HIF3A: variants seen among roughly 807,000 people sequenced by gnomAD.
HIF3A encodes the protein hypoxia-inducible factor 3-alpha.
A neutral mutation model predicts 67.2 loss-of-function variants in HIF3A; 41 were observed. The ratio of observed to expected loss-of-function variants is 0.61; its 90% confidence interval spans 0.48 to 0.79. The LOEUF (loss-of-function observed/expected upper bound fraction) is 0.79. Ranked by LOEUF, HIF3A falls within the 30% of genes least tolerant of loss-of-function variation. HIF3A has a pLI of 0.00. For missense variants in HIF3A, 855 were observed against 898.0 expected (o/e 0.95, Z 0.61); for synonymous variants, 356 against 374.8 (o/e 0.95, Z 0.58).
chr19:46,308,286 C>A lies in HIF3A; in HGVS notation c.429C>A (p.Asp143Glu). The change falls in exon 4 of 15, where the codon GAC (aspartate) becomes GAA (glutamate). Residue 143 changes from aspartate (D) to glutamate (E), a missense_variant. By Grantham distance (45) the Asp-to-Glu change is conservative. Coordinates refer to ENST00000377670, the MANE Select transcript of HIF3A (RefSeq NM_152795.4). ...IHPCDQEELQDALTPQQTLSR... is the reference protein window; with the variant it reads ...IHPCDQEELQEALTPQQTLSR... ...CCTGTGACCAAGAGGAGCTTCAGGA[C>A]GCCCTGACCCCCCAGCAGAGTGAGT... 7 of 1,612,526 alleles carry A rather than the reference C, an allele frequency of 4.3e-6. No homozygotes were observed. Among genetic ancestry groups the A allele is most frequent in the Non-Finnish European group, 5.9e-6 (7 of 1,178,998 alleles).
intron 14 of HIF3A, among the ~76,000 whole-genome samples, chr19:46,335,836 C>T (rs1226726664): frequency 1.3e-5 from 2 of 151,784 alleles, no homozygotes; most frequent in South Asian, 2.1e-4. Flanking sequence ...ACCAGGGGTT[C>T]GAGACCAGCC....
intron 3 of HIF3A, among the ~76,000 whole-genome samples, chr19:46,307,999 C>CAGATAGATAGAT (rs879144909): frequency 5.7e-4 from 28 of 49,380 alleles, no homozygotes; most frequent in East Asian, 3.8e-3. Flanking sequence ...GACAGACAGA[C>CAGATAGATAGAT]AGATAGATAG....
Position 46,321,870 on chromosome 19 carries a change from C to A in HIF3A, c.1239C>A (p.Asp413Glu), listed in dbSNP as rs775874806. ...AADPRRFCSP[D>E]LRRLLGPILD... Reference sequence around the variant, plus strand: ...ACCCCCGCCGTTTCTGCAGCCCTGACCTCCGTCGCCTCCTGGGACCCATCC... The same window carrying A: ...ACCCCCGCCGTTTCTGCAGCCCTGAACTCCGTCGCCTCCTGGGACCCATCC... The change falls in exon 10 of 15, where the codon GAC becomes GAA. Residue 413 changes from aspartate to glutamate, a missense_variant. By Grantham distance (45) the Asp-to-Glu change is conservative. Transcript: ENST00000377670. 37 of 1,613,916 alleles carry A rather than the reference C, an allele frequency of 2.3e-5. No individual in the cohort carries two copies. Among genetic ancestry groups the A allele is most frequent in the South Asian group, 6.6e-5 (6 of 91,090 alleles).
intron 13 of HIF3A, among the ~76,000 whole-genome samples, chr19:46,332,596 T>G (rs1971314002): frequency 1.3e-5 from 2 of 152,214 alleles, no homozygotes; most frequent in Admixed American, 1.3e-4. Context: ...AAGGCCTCCC[T>G]CTAGGACCTT....
chr19:46,302,874 AAAAGAAAAG>A (rs1335044960), intron 1 of HIF3A, among the ~76,000 whole-genome samples: 1 of 152,254 alleles, frequency 6.6e-6, no homozygotes, highest in Non-Finnish European at 1.5e-5. Flanking sequence ...AGCCTGTCTC[AAAAGAAAAG>A]AAAGAAAAGA....
At chr19:46,304,274 A>T in intron 2 of HIF3A, 186 bp downstream of exon 2, 1 of 595,150 alleles carries the variant, frequency 1.7e-6, no homozygotes, top group Non-Finnish European at 3.0e-6. Context: ...GCCCCCTTTG[A>T]GTTCCTGGCC....
chr19:46,304,413 C>T (rs1393784336), intron 2 of HIF3A, among the ~76,000 whole-genome samples: 1 of 152,144 alleles, frequency 6.6e-6, no homozygotes, highest in African/African-American at 2.4e-5. Flanking sequence ...CGATTTGGTC[C>T]TCTAGGAGAC....
chr19:46,310,613 C>A (rs1402488650), intron 6 of HIF3A: 1 of 456,192 alleles, frequency 2.2e-6, no homozygotes, highest in Non-Finnish European at 4.4e-6. Context: ...ATGACTTCAC[C>A]TCTCTGTGCC....
chr19:46,307,616 C>T (rs1386530769), intron 3 of HIF3A, among the ~76,000 whole-genome samples: 1 of 151,972 alleles, frequency 6.6e-6, no homozygotes, highest in Non-Finnish European at 1.5e-5. Context: ...GGTGTGGTGG[C>T]ACATGTCTGT....
At chr19:46,312,960 C>G (rs1969595198) in intron 8 of HIF3A, 2 of 1,008,714 alleles carry the variant, frequency 2.0e-6, no homozygotes, top group African/African-American at 2.0e-5. Flanking sequence ...AGAAAGGGGT[C>G]TTTATTTGGC....
intron 1 of HIF3A, chr19:46,298,242 C>A: frequency 2.6e-6 from 1 of 384,534 alleles, no homozygotes; most frequent in Non-Finnish European, 5.0e-6. Context: ...TACTCTATTC[C>A]AGGCCCTGGC....
intron 2 of HIF3A, 111 bp from the exon 3 acceptor site, chr19:46,305,134 A>T: frequency 6.8e-7 from 1 of 1,475,076 alleles, no homozygotes; most frequent in Non-Finnish European, 9.4e-7. Context: ...TTGGGGGTGC[A>T]TGTAAGTTTC....
intron 13 of HIF3A, among the ~76,000 whole-genome samples, chr19:46,334,480 T>C (rs1161698161): frequency 6.6e-6 from 1 of 152,138 alleles, no homozygotes; most frequent in Non-Finnish European, 1.5e-5. Context: ...GTGATCCTCC[T>C]ACCTTGGCCT....
intron 1 of HIF3A, chr19:46,298,508 G>A (rs1169380752): frequency 7.8e-7 from 1 of 1,279,266 alleles, no homozygotes; most frequent in East Asian, 5.6e-5. Flanking sequence ...CGGGGGCCTG[G>A]GCGATGGTGA....
chr19:46,334,070 G>A (rs1971440062), intron 13 of HIF3A, among the ~76,000 whole-genome samples: 1 of 151,300 alleles, frequency 6.6e-6, no homozygotes, highest in African/African-American at 2.4e-5. Flanking sequence ...TGGGATTACA[G>A]GCGTGAGCCA....
intron 13 of HIF3A, among the ~76,000 whole-genome samples, chr19:46,332,539 C>A (rs550696267): frequency 4.6e-5 from 7 of 151,946 alleles, no homozygotes; most frequent in African/African-American, 1.7e-4. Flanking sequence ...GACGCTGTCT[C>A]AAAAAAATAA....
At chr19:46,316,210 G>A (rs984442156) in intron 8 of HIF3A, among the ~76,000 whole-genome samples, 4 of 151,952 alleles carry the variant, frequency 2.6e-5, no homozygotes, top group Non-Finnish European at 5.9e-5. Context: ...CAGCCTGGGC[G>A]ACAGAAGGAG....
chr19:46,336,527 T>C (rs1253851638), intron 14 of HIF3A, among the ~76,000 whole-genome samples: 2 of 151,998 alleles, frequency 1.3e-5, no homozygotes, highest in Non-Finnish European at 2.9e-5. Flanking sequence ...ACCAGCACAC[T>C]TGACTTTGTG....
intron 1 of HIF3A, chr19:46,298,436 C>T (rs772048619): frequency 2.0e-5 from 26 of 1,288,490 alleles, no homozygotes; most frequent in Admixed American, 1.8e-4. Context: ...ACTCGTAACT[C>T]GCACCCGGGT....
Sources: allele counts gnomAD v4.1 joint callset (sites outside exome capture counted in the v4.1 genomes callset), GRCh38; gene constraint gnomAD v4.1.1; transcripts MANE v1.5; gene names NCBI Gene and HGNC (gene_info 2026-07-23, HGNC 2026-07-21).